ABLIM2: variants seen among roughly 807,000 people sequenced by gnomAD.
The protein encoded by ABLIM2 is actin binding LIM protein family member 2.
ABLIM2 carries 53 observed loss-of-function variants against 97.7 expected under a neutral mutation model. The observed-to-expected ratio is 0.54, with a 90% CI of 0.44 to 0.68. The LOEUF is 0.68. Ranked by LOEUF, ABLIM2 falls within the 30% of genes least tolerant of loss-of-function variation. The pLI, the probability that ABLIM2 is intolerant of heterozygous loss-of-function variation, is 0.00. For synonymous variants in ABLIM2, 361 were observed against 345.8 expected, an observed-to-expected ratio of 1.04 and a Z score of -0.49; for missense variants, 835 against 867.2, an observed-to-expected ratio of 0.96 and a Z score of 0.47.
rs1164401420 is a variant in ABLIM2, at chr4:8,047,378, C to CCTCCTCCTCTTT, written c.823-2149_823-2138dup. Among the ~76,000 whole-genome samples, 279 of 151,556 alleles carry CCTCCTCCTCTTT rather than the reference C, an allele frequency of 1.8e-3. 3 individuals carry two copies. In the East Asian group the frequency reaches 0.029, roughly 16 times the overall value. On this transcript the variant is annotated intron_variant, in intron 8 of 20. Coordinates refer to ENST00000447017, the MANE Select transcript of ABLIM2 (RefSeq NM_001130083.2). ...GCCTCTTCCTCCTCCTCCTCCTCCTCCTCCTCCTCTTTCTCCTCCTCCTCC... is the reference window on the plus strand; with the variant it reads ...GCCTCTTCCTCCTCCTCCTCCTCCTCCTCCTCCTCTTTCTCCTCCTCTTTCTCCTCCTCCTCC...
rs1435440458 is a variant in ABLIM2, at chr4:8,001,033, C to T, written c.1618+7026G>A. Among the ~76,000 whole-genome samples the T allele has an allele frequency of 6.6e-5, 10 of 152,360 alleles. No individual in the cohort carries two copies. Among genetic ancestry groups the T allele is most frequent in the Non-Finnish European group, 8.8e-5 (6 of 68,026 alleles). Reference sequence around the variant, plus strand: ...GCCACTCGCTTGGGCAGTTCCCATCCGCTCCTGGGTGCACGGGCAGGAGGT... The same window carrying T: ...GCCACTCGCTTGGGCAGTTCCCATCTGCTCCTGGGTGCACGGGCAGGAGGT... On this transcript the variant is annotated intron_variant, in intron 16 of 20. Coordinates refer to ENST00000447017, the MANE Select transcript of ABLIM2 (RefSeq NM_001130083.2). The surrounding 1 kb of genome is among the most constrained non-coding windows in gnomAD (Gnocchi z 4.2).
rs772709466 is a variant in ABLIM2, at chr4:8,132,398, G to A, written c.11-25761C>T. 9.2e-5 allele frequency among the ~76,000 whole-genome samples: 14 copies of A among 152,186 alleles called. No homozygotes were observed. Among genetic ancestry groups the A allele is most frequent in the East Asian group, 3.8e-4 (2 of 5,202 alleles). On this transcript the variant is annotated intron_variant, in intron 1 of 20. Transcript: ENST00000447017. This position sits in a 1 kb window ranked among gnomAD's most constrained non-coding sequence, Gnocchi z 8.0. ...AGAGATTTTCACTGAGACTTAAAGC[G>A]AGGAAGACACCAGTGCTTTTTCAGG...
In ABLIM2 at chr4:8,019,637, G is replaced by C; in HGVS notation, c.1404C>G (p.Pro468=). 1 of 1,612,508 alleles carries C rather than the reference G, an allele frequency of 6.2e-7. No homozygotes were observed. The highest frequency in any genetic ancestry group is 8.5e-7 in the Non-Finnish European group (1 of 1,179,402). The stretch of plus-strand genomic sequence containing the variant: ...CCGTACCATGCTGTCTGTAGATAGG[G>C]GGTTTCCTATAGATGTTATCTTTTA... ...TGVKDNIYRK[P]PIYRQHAARR... is the part of the protein sequence containing the mutation. The change falls in exon 14 of 21, where the codon CCC becomes CCG. Residue 468 remains proline (P), a synonymous_variant. Coordinates refer to ENST00000447017, the MANE Select transcript of ABLIM2 (RefSeq NM_001130083.2). The surrounding 1 kb of genome is among the most constrained non-coding windows in gnomAD (Gnocchi z 4.3).
intron 7 of ABLIM2, among the ~76,000 whole-genome samples, chr4:8,055,728 C>T (rs888953396): frequency 2.2e-4 from 34 of 152,162 alleles, no homozygotes; most frequent in African/African-American, 6.5e-4. Flanking sequence ...AGCAGCAACT[C>T]GAAGCTCTGA....
rs779935804 is a variant in ABLIM2 at position 8,004,539 on chromosome 4, T to G, written c.1618+3520A>C. 1.3e-5 allele frequency among the ~76,000 whole-genome samples: 2 copies of G among 152,048 alleles called. No homozygotes were observed. The highest frequency in any genetic ancestry group is 2.9e-5 in the Non-Finnish European group (2 of 68,004). On this transcript the variant is annotated intron_variant, in intron 16 of 20. Coordinates refer to ENST00000447017, the MANE Select transcript of ABLIM2 (RefSeq NM_001130083.2). The surrounding 1 kb of genome is among the most constrained non-coding windows in gnomAD (Gnocchi z 5.9). ...GCCTCAAGCTGCCCGGGGGTTTGTA[T>G]TATGCTGACACGCCTCTGACCTTCG... is the stretch of plus-strand genomic sequence containing the variant.
intron 1 of ABLIM2, among the ~76,000 whole-genome samples, chr4:8,129,956 C>T (rs1472636804): frequency 2.6e-5 from 4 of 152,238 alleles, no homozygotes; most frequent in Non-Finnish European, 4.4e-5. Context: ...GGACGTGGGC[C>T]AGGGAGGCTG....
At chr4:8,152,402 C>G (rs1017057817) in intron 1 of ABLIM2, among the ~76,000 whole-genome samples, 1 of 152,206 alleles carries the variant, frequency 6.6e-6, no homozygotes, top group Non-Finnish European at 1.5e-5. Context: ...ACCGGCCGCT[C>G]CGAGCAGCGC....
intron 16 of ABLIM2, chr4:8,007,275 C>G: frequency 1.0e-6 from 1 of 985,348 alleles, no homozygotes; most frequent in Non-Finnish European, 1.2e-6. Flanking sequence ...CACGACGGGT[C>G]AGTGGTGAGC....
At chr4:7,981,378 C>G (rs1253381702) in intron 20 of ABLIM2, among the ~76,000 whole-genome samples, 1 of 152,172 alleles carries the variant, frequency 6.6e-6, no homozygotes, top group Non-Finnish European at 1.5e-5. Context: ...CTCGAGTTGT[C>G]CCACCTTTCC....
intron 6 of ABLIM2, among the ~76,000 whole-genome samples, chr4:8,062,992 G>A (rs1017243796): frequency 6.6e-6 from 1 of 152,182 alleles, no homozygotes; most frequent in Non-Finnish European, 1.5e-5. Context: ...ACCCTGCAGG[G>A]CAAACAAACC....
intron 20 of ABLIM2, among the ~76,000 whole-genome samples, chr4:7,974,374 TCCATCCAC>T (rs1210376454): frequency 1.4e-5 from 2 of 142,644 alleles, no homozygotes; most frequent in Non-Finnish European, 3.1e-5. Flanking sequence ...CATTCATCCA[TCCATCCAC>T]CCATCCACCC....
At chr4:7,981,458 G>C (rs1368650132) in intron 20 of ABLIM2, among the ~76,000 whole-genome samples, 1 of 152,044 alleles carries the variant, frequency 6.6e-6, no homozygotes, top group Non-Finnish European at 1.5e-5. Flanking sequence ...TATAAACCAA[G>C]CTGTAACCCA....
intron 5 of ABLIM2, 40 bp from the exon 6 acceptor site, chr4:8,077,761 C>G: frequency 6.4e-7 from 1 of 1,557,166 alleles, no homozygotes; most frequent in Non-Finnish European, 8.8e-7. Context: ...CGGGTGTCGC[C>G]CGAGGACCCT....
intron 1 of ABLIM2, among the ~76,000 whole-genome samples, chr4:8,135,773 G>T (rs560050516): frequency 6.6e-6 from 1 of 152,376 alleles, no homozygotes; most frequent in East Asian, 1.9e-4. Context: ...CAGCCCGGAG[G>T]CCGGCAACAT....
intron 4 of ABLIM2, among the ~76,000 whole-genome samples, chr4:8,086,351 T>G (rs938884601): frequency 9.1e-5 from 8 of 87,596 alleles, no homozygotes; most frequent in African/African-American, 2.3e-4. Flanking sequence ...CCCTCCCACT[T>G]TTTTTTTTTT....
At chr4:8,156,307 G>A (rs1478749335) in intron 1 of ABLIM2, among the ~76,000 whole-genome samples, 1 of 152,088 alleles carries the variant, frequency 6.6e-6, no homozygotes, top group Non-Finnish European at 1.5e-5. Context: ...TCACTTGCTG[G>A]GCTCACCATG....
chr4:8,131,838 C>G (rs1392958603), intron 1 of ABLIM2, among the ~76,000 whole-genome samples: 1 of 136,696 alleles, frequency 7.3e-6, no homozygotes, highest in Non-Finnish European at 1.5e-5. Context: ...CACAGCAGCC[C>G]GCATCCCTGA....
Position 8,032,479 on chromosome 4 carries a change from A to G in ABLIM2, c.1048-2703T>C, listed in dbSNP as rs560303004. Among the ~76,000 whole-genome samples the G allele has an allele frequency of 2.6e-4, 39 of 152,300 alleles. No individual in the cohort carries two copies. Among genetic ancestry groups the G allele is most frequent in the African/African-American group, 9.4e-4 (39 of 41,568 alleles). On this transcript the variant is annotated intron_variant, in intron 10 of 20. Transcript: ENST00000447017. This position sits in a 1 kb window ranked among gnomAD's most constrained non-coding sequence, Gnocchi z 4.3. ...CATGCAAGTGCGGGGTGATCATAAA[A>G]ATAACCAGCAGCCAGGAGGGTGCCC...
chr4:8,071,693 A>ACCC lies in ABLIM2; in HGVS notation c.675+5932_675+5934dup. On this transcript the variant is annotated intron_variant, in intron 6 of 20. Coordinates refer to ENST00000447017, the MANE Select transcript of ABLIM2 (RefSeq NM_001130083.2). The surrounding 1 kb of genome is among the most constrained non-coding windows in gnomAD (Gnocchi z 6.2). ...ACACCTGACTGCTCTGTCCCCAAAA[A>ACCC]CCCACCCACCCGCAGCCCCTCCTGG... is the stretch of plus-strand genomic sequence containing the variant. 3 of 819,830 alleles carry ACCC rather than the reference A, an allele frequency of 3.7e-6. No homozygotes were observed. The highest frequency in any genetic ancestry group is 4.4e-6 in the Non-Finnish European group (3 of 679,292). 50.8% of individuals were successfully genotyped at this position (819,830 alleles called of 1,614,324 possible).
Sources: gnomAD v4.1 joint callset for allele counts (sites outside exome capture counted in the v4.1 genomes callset) on GRCh38, gnomAD v4.1.1 for gene constraint, Gnocchi (gnomAD v3.1) non-coding constraint, MANE v1.5 for transcripts, NCBI Gene and HGNC (gene_info 2026-07-23, HGNC 2026-07-21) for gene names.